MAP7D1: variants seen among roughly 807,000 people sequenced by gnomAD.
MAP7D1 encodes the protein MAP7 domain containing 1, also known as MAP7 domain-containing protein 1.
In MAP7D1, 30 loss-of-function variants were observed where a neutral mutation model predicts 97.5. That is an observed-to-expected ratio of 0.31 (90% CI 0.23 to 0.42). MAP7D1 has a LOEUF of 0.42. MAP7D1 is among the 10% of genes least tolerant of loss of function. MAP7D1 has a pLI of 1.00. For missense variants in MAP7D1, 1,184 were observed against 1,179.5 expected (o/e 1.00, Z -0.06); for synonymous variants, 536 against 477.1 (o/e 1.12, Z -1.61).
At position 36,179,964 on chromosome 1, in the gene MAP7D1, C is replaced by T; in HGVS notation, c.2409C>T (p.Pro803=). 6.2e-7 allele frequency: 1 copy of T among 1,614,204 alleles called. No individual in the cohort carries two copies. Among genetic ancestry groups the T allele is most frequent in the South Asian group, 1.1e-5 (1 of 91,088 alleles). ...HQENGFSTNG[P]SGDKSLSRTP... ...AGAATGGCTTCTCCACCAACGGACC[C>T]TCTGGGGACAAGAGTCTGAGCCGAA... is the stretch of plus-strand genomic sequence containing the variant. Residue 803 remains proline, a synonymous_variant, in exon 16 of 17, where the codon CCC becomes CCT. Coordinates refer to ENST00000474796, the MANE Select transcript of MAP7D1 (RefSeq NM_001388490.1).
chr1:36,177,925 G>A lies in MAP7D1; in HGVS notation c.1432G>A (p.Ala478Thr). The change falls in exon 9 of 17, where the codon GCC becomes ACC. Residue 478 changes from alanine (A) to threonine (T), a missense_variant. Coordinates refer to ENST00000474796, the MANE Select transcript of MAP7D1 (RefSeq NM_001388490.1). ...SSPSTSWHRP[A>T]SPCPSPGPGH... The stretch of plus-strand genomic sequence containing the variant: ...TCCCTCCACATCCTGGCACAGGCCT[G>A]CCTCCCCCTGCCCCAGCCCAGGGCC... 6.4e-7 allele frequency: 1 copy of A among 1,568,748 alleles called. No individual in the cohort carries two copies. Among genetic ancestry groups the A allele is most frequent in the Non-Finnish European group, 8.7e-7 (1 of 1,155,624 alleles).
intron 1 of MAP7D1, among the ~76,000 whole-genome samples, chr1:36,164,736 C>G (rs1287649849): frequency 6.6e-6 from 1 of 152,176 alleles, no homozygotes; most frequent in African/African-American, 2.4e-5. Flanking sequence ...TGACAAGTTT[C>G]AAGTGGCAAA....
chr1:36,175,016 A>G lies in MAP7D1; in HGVS notation c.850+8A>G. On this transcript the variant is annotated splice_region_variant and intron_variant, in intron 6 of 16. Coordinates refer to ENST00000474796, the MANE Select transcript of MAP7D1 (RefSeq NM_001388490.1). ...GGAACTCCCCCAGTAGAAGTAAGAGAAGGCCCAGCCCTTCCCCCTCCAGAG... is the reference window on the plus strand; with the variant it reads ...GGAACTCCCCCAGTAGAAGTAAGAGGAGGCCCAGCCCTTCCCCCTCCAGAG... 2 of 1,593,978 alleles carry G rather than the reference A, an allele frequency of 1.3e-6. No homozygotes were observed. Among genetic ancestry groups the G allele is most frequent in the African/African-American group, 2.7e-5 (2 of 74,494 alleles).
intron 8 of MAP7D1, among the ~76,000 whole-genome samples, chr1:36,177,248 G>T (rs535377971): frequency 2.0e-5 from 3 of 146,836 alleles, no homozygotes; most frequent in African/African-American, 7.4e-5. Context: ...AAGCCACCCC[G>T]CCCAGCCTCC....
intron 1 of MAP7D1, among the ~76,000 whole-genome samples, chr1:36,164,168 G>A (rs967941159): frequency 6.6e-6 from 1 of 152,074 alleles, no homozygotes; most frequent in Non-Finnish European, 1.5e-5. Flanking sequence ...TATGCTTTAG[G>A]CTAGGGCAGC....
chr1:36,170,888 T>C lies in MAP7D1; in HGVS notation c.47-83T>C, dbSNP rs900045722. The C allele has an allele frequency of 2.4e-5, 16 of 661,494 alleles. No homozygotes were observed. In the African/African-American group the frequency reaches 2.9e-4, roughly 12 times the overall value. The allele number at this position is 661,494 out of a possible 1,614,324, so 41.0% of individuals were successfully genotyped here. A position where few individuals can be genotyped will look rare whatever the true frequency, so the allele number is the denominator to read the frequency against. On this transcript the variant is annotated intron_variant, in intron 1 of 16. Transcript: ENST00000474796. Reference sequence around the variant, plus strand: ...AACATAAGTGAATGAAGAAGTCGGTTGAACAAGGGAGAGGGCCACATATGG... The same window carrying C: ...AACATAAGTGAATGAAGAAGTCGGTCGAACAAGGGAGAGGGCCACATATGG...
intron 8 of MAP7D1, among the ~76,000 whole-genome samples, chr1:36,177,303 T>C (rs1049511316): frequency 6.6e-6 from 1 of 152,118 alleles, no homozygotes; most frequent in Non-Finnish European, 1.5e-5. Flanking sequence ...TTAAGTGTTT[T>C]GGTTACTGAA....
chr1:36,177,859 C>T lies in MAP7D1; in HGVS notation c.1380-14C>T, dbSNP rs767160576. 5 of 1,525,416 alleles carry T rather than the reference C, an allele frequency of 3.3e-6. No homozygotes were observed. In the African/African-American group the frequency reaches 5.6e-5, roughly 17 times the overall value. 94.5% of individuals were successfully genotyped at this position (1,525,416 alleles called of 1,614,324 possible). A position where few individuals can be genotyped will look rare whatever the true frequency, so the allele number is the denominator to read the frequency against. On this transcript the variant is annotated splice_polypyrimidine_tract_variant and intron_variant, in intron 8 of 16. Coordinates refer to ENST00000474796, the MANE Select transcript of MAP7D1 (RefSeq NM_001388490.1). ...GTGTGTCTCCTAACCCTTCCCTTTTCCCTTTTCTCTTAGCCCCAAATCCAA... is the reference window on the plus strand; with the variant it reads ...GTGTGTCTCCTAACCCTTCCCTTTTTCCTTTTCTCTTAGCCCCAAATCCAA...
chr1:36,172,581 G>C lies in MAP7D1; in HGVS notation c.578G>C (p.Arg193Pro). The C allele has an allele frequency of 6.3e-7, 1 of 1,585,320 alleles. No individual in the cohort carries two copies. The highest frequency in any genetic ancestry group is 8.6e-7 in the Non-Finnish European group (1 of 1,157,488). Residue 193 changes from arginine (R) to proline (P), a missense_variant, in exon 4 of 17, where the codon CGT (arginine) becomes CCT (proline). Coordinates refer to ENST00000474796, the MANE Select transcript of MAP7D1 (RefSeq NM_001388490.1). ...EEQRLKAEQR[R>P]AALEERQRQK... ...CAACGTCTTAAAGCCGAGCAACGCC[G>C]TGCAGCCCTGGAGGAACGGCAGCGG...
In MAP7D1 at chr1:36,159,681, C is replaced by T. The variant is rs145398208; in HGVS notation, c.46+3218C>T. On this transcript the variant is annotated intron_variant, in intron 1 of 16. Transcript: ENST00000474796. This position sits in a 1 kb window ranked among gnomAD's most constrained non-coding sequence, Gnocchi z 5.4. ...TTTGACTCTTGGGGAGCTCTTAACG[C>T]GGCGAGGAAGGCAGATGTGTTCACT... Among the ~76,000 whole-genome samples the T allele has an allele frequency of 4.2e-3, 642 of 152,254 alleles. 6 individuals are homozygous for T. The highest frequency in any genetic ancestry group is 0.02 in the Middle Eastern group (6 of 294).
At chr1:36,158,679 GCAGACAC>G (rs1316104095) in intron 1 of MAP7D1, among the ~76,000 whole-genome samples, 1 of 152,168 alleles carries the variant, frequency 6.6e-6, no homozygotes, top group Non-Finnish European at 1.5e-5. Context: ...AATCTGGCAC[GCAGACAC>G]CAGACACCTG....
intron 5 of MAP7D1, among the ~76,000 whole-genome samples, 182 bp from the exon 6 acceptor site, chr1:36,174,716 C>G (rs2124237982): frequency 6.6e-6 from 1 of 151,424 alleles, no homozygotes; most frequent in South Asian, 2.1e-4. Context: ...CAGGTTGTCT[C>G]TGGTCACCTA....
Position 36,176,452 on chromosome 1 carries a change from C to A in MAP7D1, c.1104C>A (p.Ser368Arg). The A allele has an allele frequency of 1.3e-6, 2 of 1,507,610 alleles. No homozygotes were observed. The highest frequency in any genetic ancestry group is 2.7e-5 in the East Asian group (1 of 36,388). The allele number at this position is 1,507,610 out of a possible 1,614,324, so 93.4% of individuals were successfully genotyped here. The change falls in exon 7 of 17, where the codon AGC (serine) becomes AGA (arginine). Residue 368 changes from serine (S) to arginine (R), a missense_variant. Ser to Arg is a moderately radical substitution (Grantham distance 110). Coordinates refer to ENST00000474796, the MANE Select transcript of MAP7D1 (RefSeq NM_001388490.1). This position sits in a 1 kb window ranked among gnomAD's most constrained non-coding sequence, Gnocchi z 6.1. ...VPVCPRSASASPLTPCSVTRS... is the reference protein window; with the variant it reads ...VPVCPRSASARPLTPCSVTRS... ...TGTGCCCGCGCTCGGCCTCCGCCAG[C>A]CCCCTGACGCCGTGCAGCGTCACCC...
At position 36,176,419 on chromosome 1, in the gene MAP7D1, C is replaced by A; in HGVS notation, c.1071C>A (p.Ala357=). The A allele has an allele frequency of 5.2e-6, 8 of 1,531,188 alleles. No homozygotes were observed. Among genetic ancestry groups the A allele is most frequent in the Non-Finnish European group, 7.0e-6 (8 of 1,148,090 alleles). 94.9% of individuals were successfully genotyped at this position (1,531,188 alleles called of 1,614,324 possible). A position where few individuals can be genotyped will look rare whatever the true frequency, so the allele number is the denominator to read the frequency against. The change falls in exon 7 of 17, where the codon GCC becomes GCA. Residue 357 remains alanine, a synonymous_variant. Transcript: ENST00000474796. The surrounding 1 kb of genome is among the most constrained non-coding windows in gnomAD (Gnocchi z 6.1). The stretch of plus-strand genomic sequence containing the variant: ...CCGACCGCACTCATCCCTCTGCAGC[C>A]GTGCCGGTGTGCCCGCGCTCGGCCT... The part of the protein sequence containing the change: ...PQPDRTHPSA[A]VPVCPRSASA...
Position 36,176,757 on chromosome 1 carries a change from G to T in MAP7D1, c.1294G>T (p.Ala432Ser), listed in dbSNP as rs1460885124. The stretch of plus-strand genomic sequence containing the variant: ...AAACGAGAAGGAGAAGAGTGCCCTA[G>T]CCCGGGAGCGCAGCCTCAAGAAGCG... ...RENEKEKSAL[A>S]RERSLKKRQS... Residue 432 changes from alanine to serine, a missense_variant, in exon 8 of 17, where the codon GCC (alanine) becomes TCC (serine). By Grantham distance (99) the Ala-to-Ser change is moderately conservative. Coordinates refer to ENST00000474796, the MANE Select transcript of MAP7D1 (RefSeq NM_001388490.1). The surrounding 1 kb of genome is among the most constrained non-coding windows in gnomAD (Gnocchi z 6.1). 4.4e-6 allele frequency: 7 copies of T among 1,603,582 alleles called. No homozygotes were observed. Among genetic ancestry groups the T allele is most frequent in the Admixed American group, 3.4e-5 (2 of 58,268 alleles).
intron 1 of MAP7D1, among the ~76,000 whole-genome samples, chr1:36,161,863 A>ATGTG (rs371183852): frequency 2.2e-5 from 3 of 137,954 alleles, no homozygotes; most frequent in East Asian, 4.1e-4. Context: ...TTTCCTCTGC[A>ATGTG]TGTGTGTGTG....
chr1:36,163,813 T>C, intron 1 of MAP7D1, among the ~76,000 whole-genome samples: 1 of 134,166 alleles, frequency 7.5e-6, no homozygotes, highest in African/African-American at 2.7e-5. Flanking sequence ...TATATACTTT[T>C]TTTCTTTTTT....
At chr1:36,179,587 C>A in intron 14 of MAP7D1, 30 bp downstream of exon 14, 1 of 1,556,022 alleles carries the variant, frequency 6.4e-7, no homozygotes, top group Non-Finnish European at 8.7e-7. Flanking sequence ...CGCCTCCCTT[C>A]CCTTTGCCAT....
chr1:36,156,815 G>A (rs557774102), intron 1 of MAP7D1, among the ~76,000 whole-genome samples: 4 of 152,218 alleles, frequency 2.6e-5, no homozygotes, highest in Admixed American at 2.6e-4. Context: ...CTCTTCTACT[G>A]AGCTAGGGCT....
Sources: allele counts gnomAD v4.1 joint callset (sites outside exome capture counted in the v4.1 genomes callset), GRCh38; gene constraint gnomAD v4.1.1; non-coding constraint Gnocchi (gnomAD v3.1); transcripts MANE v1.5; gene names NCBI Gene and HGNC (gene_info 2026-07-23, HGNC 2026-07-21).